The following RBFOX1 variants were observed in gnomAD, a reference collection of about 807,000 sequenced individuals.
RBFOX1 encodes the protein RNA binding protein fox-1 homolog 1.
Under a neutral mutation model 57.7 loss-of-function variants are expected in RBFOX1, and 8 were observed. The ratio of observed to expected loss-of-function variants is 0.14; its 90% CI spans 0.08 to 0.25. The LOEUF (loss-of-function observed/expected upper bound fraction) is 0.25, where lower values mean the gene tolerates loss of function less well. Ranked by LOEUF, RBFOX1 falls within the 10% of genes least tolerant of loss-of-function variation. RBFOX1 has a pLI of 1.00. For synonymous variants in RBFOX1, 326 were observed against 222.4 expected, an observed-to-expected ratio of 1.47 and a Z score of -4.15; for missense variants, 611 against 548.5, an observed-to-expected ratio of 1.11 and a Z score of -1.14.
At position 6,097,849 on chromosome 16, in the gene RBFOX1, A is replaced by G. The variant is rs2096263529; in HGVS notation, c.-127+77857A>G. ...ACTGGTGGAGTGGAAGTCCCTTGGAAGTGGGGGACGTGTCTGATTTGTGCA... is the reference window on the plus strand; with the variant it reads ...ACTGGTGGAGTGGAAGTCCCTTGGAGGTGGGGGACGTGTCTGATTTGTGCA... On this transcript the variant is annotated intron_variant, in intron 1 of 15. Coordinates refer to ENST00000550418, the MANE Select transcript of RBFOX1 (RefSeq NM_018723.4). This position sits in a 1 kb window ranked among gnomAD's most constrained non-coding sequence, Gnocchi z 5.0. Among the ~76,000 whole-genome samples the G allele has an allele frequency of 6.6e-6, 1 of 151,802 alleles. No individual in the cohort carries two copies. The highest frequency in any genetic ancestry group is 2.1e-4 in the South Asian group (1 of 4,810).
intron 2 of RBFOX1, among the ~76,000 whole-genome samples, chr16:6,387,663 T>C (rs1399380736): frequency 4.6e-5 from 7 of 152,204 alleles, no homozygotes; most frequent in Admixed American, 1.3e-4. Context: ...ATTATATTTT[T>C]AGCTTTATGC....
At chr16:5,522,682 C>T (rs1405042211) in intron 2 of RBFOX1, among the ~76,000 whole-genome samples, 1 of 152,158 alleles carries the variant, frequency 6.6e-6, no homozygotes, top group Non-Finnish European at 1.5e-5. Context: ...CATCTCTCCA[C>T]TCCCCCTCAC....
intron 10 of RBFOX1, among the ~76,000 whole-genome samples, chr16:7,608,381 G>A (rs1220299696): frequency 6.6e-6 from 1 of 152,216 alleles, no homozygotes; most frequent in Non-Finnish European, 1.5e-5. Context: ...AATCTGGAAA[G>A]GCTCAACAGG....
chr16:6,213,578 A>C (rs776017056), intron 1 of RBFOX1, among the ~76,000 whole-genome samples: 1 of 152,206 alleles, frequency 6.6e-6, no homozygotes, highest in Non-Finnish European at 1.5e-5. Context: ...AAGTTGCGTA[A>C]GTCATGCCAA....
At chr16:6,369,411 T>C (rs554794067) in intron 2 of RBFOX1, among the ~76,000 whole-genome samples, 8 of 152,256 alleles carry the variant, frequency 5.3e-5, no homozygotes, top group African/African-American at 1.9e-4. Context: ...GAGGCATTGT[T>C]TGAGAACGTT....
intron 3 of RBFOX1, among the ~76,000 whole-genome samples, chr16:6,928,639 A>G (rs968903982): frequency 1.3e-5 from 2 of 152,166 alleles, no homozygotes. Flanking sequence ...GCAGCCTTGC[A>G]TTCATGTGGG....
At chr16:6,295,107 T>TG (rs763721432) in intron 1 of RBFOX1, among the ~76,000 whole-genome samples, 40 of 19,516 alleles carry the variant, frequency 2.0e-3, no homozygotes, top group African/African-American at 3.4e-3. Flanking sequence ...GAGTTTTTTT[T>TG]TTTTTTTTTT....
In RBFOX1 at chr16:5,530,933, T is replaced by TAAAAA. The variant is rs59311923; in HGVS notation, c.258+63717_258+63721dup. On this transcript the variant is annotated intron_variant, in intron 2 of 2. Transcript: ENST00000585867. ...CGAAACCCTGTCTCTACTAAAAATA[T>TAAAAA]AAAAAAAAAAAAAAAAAAAAAAAAA... 4.9e-3 allele frequency among the ~76,000 whole-genome samples: 272 copies of TAAAAA among 55,018 alleles called. 21 individuals are homozygous for TAAAAA. The highest frequency in any genetic ancestry group is 0.016 in the Middle Eastern group (1 of 64). The allele number at this position is 55,018 out of a possible 152,430, so 36.1% of individuals were successfully genotyped here.
chr16:5,826,317 C>T lies in RBFOX1; in HGVS notation c.319-40986C>T, dbSNP rs147563496. Among the ~76,000 whole-genome samples, 757 of 152,218 alleles carry T rather than the reference C, an allele frequency of 5.0e-3. 2 individuals carry two copies. The highest frequency in any genetic ancestry group is 0.017 in the African/African-American group (687 of 41,520). On this transcript the variant is annotated intron_variant, in intron 3 of 19. Transcript: ENST00000641259. ...CAAGTGTGAATTGTGAAGCAAACCACAGTTGTATTAGCAGTACCTGTGACT... is the reference window on the plus strand; with the variant it reads ...CAAGTGTGAATTGTGAAGCAAACCATAGTTGTATTAGCAGTACCTGTGACT...
At chr16:5,631,438 T>TC (rs1169397199) in intron 3 of RBFOX1, among the ~76,000 whole-genome samples, 1 of 151,932 alleles carries the variant, frequency 6.6e-6, no homozygotes, top group Non-Finnish European at 1.5e-5. Context: ...GTGCTTGTAG[T>TC]CCCAGCTACT....
intron 2 of RBFOX1, among the ~76,000 whole-genome samples, chr16:6,555,739 C>A (rs544683460): frequency 1.7e-4 from 26 of 152,174 alleles, no homozygotes; most frequent in African/African-American, 6.0e-4. Context: ...AAAAAGATAT[C>A]ATTCCATCTA....
In RBFOX1 at chr16:6,244,228, C is replaced by A. The variant is rs147579722; in HGVS notation, c.-126-72767C>A. Reference sequence around the variant, plus strand: ...ACTAAAATGGAGATTTGGTTATATCCCTCCTTCCAGCAAAAATGTTAGTGG... The same window carrying A: ...ACTAAAATGGAGATTTGGTTATATCACTCCTTCCAGCAAAAATGTTAGTGG... On this transcript the variant is annotated intron_variant, in intron 1 of 15. Transcript: ENST00000550418. Among the ~76,000 whole-genome samples the A allele has an allele frequency of 2.4e-4, 37 of 151,888 alleles. No individual in the cohort carries two copies. In the East Asian group the frequency reaches 7.0e-3, roughly 29 times the overall value.
At chr16:7,704,329 T>C (rs2081727480) in intron 14 of RBFOX1, among the ~76,000 whole-genome samples, 1 of 152,192 alleles carries the variant, frequency 6.6e-6, no homozygotes, top group South Asian at 2.1e-4. Flanking sequence ...CCTGAAGGCT[T>C]TTGATGAGTT....
At chr16:7,700,167 G>C (rs17768064) in intron 14 of RBFOX1, among the ~76,000 whole-genome samples, 12,663 of 152,130 alleles carry the variant, frequency 0.083, 721 homozygotes, top group Non-Finnish European at 0.12. Flanking sequence ...GGGTAGCTCT[G>C]ACACATGTAC....
chr16:6,037,781 G>C (rs954913109), intron 1 of RBFOX1: 2 of 152,026 alleles, frequency 1.3e-5, no homozygotes, highest in African/African-American at 4.8e-5. Flanking sequence ...TTTTAGTAGA[G>C]ACAGGGTTTC....
intron 3 of RBFOX1, among the ~76,000 whole-genome samples, chr16:5,863,431 T>A (rs1836866): frequency 1.3e-5 from 2 of 151,900 alleles, no homozygotes; most frequent in African/African-American, 4.8e-5. Context: ...AAGCCCATGG[T>A]TGCAGCTGGC....
At chr16:5,406,320 G>A (rs951757890) in intron 1 of RBFOX1, among the ~76,000 whole-genome samples, 2 of 151,514 alleles carry the variant, frequency 1.3e-5, no homozygotes, top group African/African-American at 4.9e-5. Flanking sequence ...CATCCAATCC[G>A]TCAAAGGTCT....
chr16:6,804,544 A>T (rs2086271326), intron 3 of RBFOX1, among the ~76,000 whole-genome samples: 1 of 152,012 alleles, frequency 6.6e-6, no homozygotes. Context: ...TCTAAATTGG[A>T]CTCTAAATAT....
At chr16:6,899,923 C>G (rs1384458219) in intron 3 of RBFOX1, among the ~76,000 whole-genome samples, 1 of 152,112 alleles carries the variant, frequency 6.6e-6, no homozygotes, top group African/African-American at 2.4e-5. Flanking sequence ...CTGACCATAA[C>G]CATTTGAACT....
Sources: allele counts gnomAD v4.1 joint callset (sites outside exome capture counted in the v4.1 genomes callset), GRCh38; gene constraint gnomAD v4.1.1; non-coding constraint Gnocchi (gnomAD v3.1); transcripts MANE v1.5; gene names NCBI Gene and HGNC (gene_info 2026-07-23, HGNC 2026-07-21).